The following SERGEF variants were observed in gnomAD, a reference collection of about 807,000 sequenced individuals.
The protein encoded by SERGEF is secretion regulating guanine nucleotide exchange factor, also known as secretion-regulating guanine nucleotide exchange factor.
In SERGEF, 51 loss-of-function variants were observed where a neutral mutation model predicts 50.0. The observed-to-expected ratio is 1.02, with a 90% CI of 0.81 to 1.29. SERGEF has a LOEUF of 1.29. Ranked by LOEUF, SERGEF falls within the 50% of genes most tolerant of loss-of-function variation. SERGEF has a pLI of 0.00. For missense variants in SERGEF, 521 were observed against 557.0 expected (o/e 0.94, Z 0.65); for synonymous variants, 205 against 212.4 (o/e 0.97, Z 0.30).
At chr11:17,814,932 G>C (rs1849938333) in intron 10 of SERGEF, among the ~76,000 whole-genome samples, 1 of 152,210 alleles carries the variant, frequency 6.6e-6, no homozygotes, top group Non-Finnish European at 1.5e-5. Context: ...TATAATCCTA[G>C]TGCTTTGGGA....
chr11:17,791,870 T>G (rs979778217), intron 10 of SERGEF, among the ~76,000 whole-genome samples: 1 of 152,254 alleles, frequency 6.6e-6, no homozygotes, highest in Non-Finnish European at 1.5e-5. Flanking sequence ...TGTCACCTAT[T>G]AAGAGCTTTG....
At chr11:17,935,961 C>T (rs1852444430) in intron 9 of SERGEF, among the ~76,000 whole-genome samples, 1 of 149,018 alleles carries the variant, frequency 6.7e-6, no homozygotes, top group Non-Finnish European at 1.5e-5. Flanking sequence ...AAGATCACTA[C>T]CCATTCAGTC....
chr11:17,918,820 C>A, intron 9 of SERGEF: 1 of 393,606 alleles, frequency 2.5e-6, no homozygotes. Context: ...AAAAGCACTC[C>A]TGGCAAAGGG....
Position 18,008,735 on chromosome 11 carries a change from TGTATCTC to T in SERGEF, c.61-666_61-660del, listed in dbSNP as rs1316114001. ...TTCTGGGCTACGAGTCGTTGGCAGG[TGTATCTC>T]GTATCTCTCCTTACCCCCTCCTCCT... is the stretch of plus-strand genomic sequence containing the variant. On this transcript the variant is annotated intron_variant, in intron 1 of 10. Coordinates refer to ENST00000265965, the MANE Select transcript of SERGEF (RefSeq NM_012139.4). Among the ~76,000 whole-genome samples, 8 of 151,486 alleles carry T rather than the reference TGTATCTC, an allele frequency of 5.3e-5. No individual in the cohort carries two copies. The South Asian group carries it at 6.3e-4, about 12-fold the overall frequency.
intron 9 of SERGEF, among the ~76,000 whole-genome samples, chr11:17,880,319 T>C (rs944169326): frequency 6.6e-6 from 1 of 152,222 alleles, no homozygotes; most frequent in Non-Finnish European, 1.5e-5. Flanking sequence ...CTGGCTGTAA[T>C]GAGGCTGGTT....
At chr11:17,910,425 AT>A (rs144681446) in intron 9 of SERGEF, among the ~76,000 whole-genome samples, 21,770 of 152,028 alleles carry the variant, frequency 0.14, 2,051 homozygotes, top group Middle Eastern at 0.27. Flanking sequence ...ATTAAAAAAA[AT>A]TTTTTTATAG....
intron 9 of SERGEF, among the ~76,000 whole-genome samples, chr11:17,900,967 C>G (rs1851739583): frequency 6.6e-6 from 1 of 152,256 alleles, no homozygotes; most frequent in Admixed American, 6.5e-5. Flanking sequence ...GTGAAATAGG[C>G]AATTCACCTG....
chr11:17,814,567 T>G (rs180840120), intron 10 of SERGEF, among the ~76,000 whole-genome samples: 1 of 152,222 alleles, frequency 6.6e-6, no homozygotes, highest in Non-Finnish European at 1.5e-5. Flanking sequence ...TGAATACACA[T>G]GGGATGGGAT....
chr11:17,982,555 C>T (rs926123034), intron 8 of SERGEF, among the ~76,000 whole-genome samples: 2 of 152,146 alleles, frequency 1.3e-5, no homozygotes, highest in Non-Finnish European at 2.9e-5. Flanking sequence ...CAGAATCTCC[C>T]CAGGCTTGGT....
At chr11:17,807,334 C>T (rs1041496700) in intron 10 of SERGEF, among the ~76,000 whole-genome samples, 8 of 70,066 alleles carry the variant, frequency 1.1e-4, no homozygotes, top group Admixed American at 5.5e-4. Context: ...GAACTCCCCC[C>T]CCACAAAAAA....
chr11:17,809,457 A>T (rs1016445283), intron 10 of SERGEF, among the ~76,000 whole-genome samples: 7 of 152,258 alleles, frequency 4.6e-5, no homozygotes, highest in African/African-American at 1.7e-4. Context: ...CCTCAGAGGC[A>T]AAATCTGGCA....
In SERGEF at chr11:17,884,034, C is replaced by A. The variant is rs559215381; in HGVS notation, c.1012-5790G>T. ...GGTACGCCAAGGAGAGGAAGTGAGG[C>A]GAGGCCAGCCCCACGCCACCAGCCA... is the stretch of plus-strand genomic sequence containing the variant. On this transcript the variant is annotated intron_variant, in intron 9 of 10. Coordinates refer to ENST00000265965, the MANE Select transcript of SERGEF (RefSeq NM_012139.4). This position sits in a 1 kb window ranked among gnomAD's most constrained non-coding sequence, Gnocchi z 4.6. 8.5e-5 allele frequency among the ~76,000 whole-genome samples: 13 copies of A among 152,098 alleles called. No homozygotes were observed. The highest frequency in any genetic ancestry group is 1.9e-4 in the Non-Finnish European group (13 of 68,022).
intron 10 of SERGEF, among the ~76,000 whole-genome samples, chr11:17,866,198 G>T (rs1447161489): frequency 6.6e-6 from 1 of 152,224 alleles, no homozygotes; most frequent in African/African-American, 2.4e-5. Flanking sequence ...AGACTTGAGT[G>T]CTAGTCCCAG....
chr11:17,999,994 A>C (rs1184719102), intron 5 of SERGEF, among the ~76,000 whole-genome samples: 1 of 152,142 alleles, frequency 6.6e-6, no homozygotes, highest in Non-Finnish European at 1.5e-5. Context: ...AGAAAACTTC[A>C]TTTCCTTCCT....
intron 10 of SERGEF, among the ~76,000 whole-genome samples, chr11:17,810,595 G>A (rs1018423159): frequency 1.3e-5 from 2 of 152,230 alleles, no homozygotes; most frequent in African/African-American, 4.8e-5. Flanking sequence ...TTCCCTTGAT[G>A]AGCTTCCCAT....
chr11:17,876,091 T>C (rs1366361594), intron 10 of SERGEF, among the ~76,000 whole-genome samples: 1 of 152,232 alleles, frequency 6.6e-6, no homozygotes, highest in Non-Finnish European at 1.5e-5. Context: ...TTTCAAAGCC[T>C]GCACCCTGCA....
chr11:17,977,476 T>C (rs1045964907), intron 8 of SERGEF, among the ~76,000 whole-genome samples: 3 of 152,082 alleles, frequency 2.0e-5, no homozygotes, highest in Non-Finnish European at 4.4e-5. Flanking sequence ...CCTAACCTGC[T>C]CCAATAAATA....
chr11:17,914,583 T>C (rs894019184), intron 9 of SERGEF, among the ~76,000 whole-genome samples: 3 of 152,124 alleles, frequency 2.0e-5, no homozygotes, highest in Non-Finnish European at 4.4e-5. Context: ...TGCCCTCAGC[T>C]AAGTATTTTA....
chr11:17,952,545 G>A (rs1041491253), intron 9 of SERGEF, among the ~76,000 whole-genome samples: 1 of 152,026 alleles, frequency 6.6e-6, no homozygotes, highest in African/African-American at 2.4e-5. Context: ...TACTCACTCA[G>A]TTTTCTTCCT....
Sources: gnomAD v4.1 joint callset for allele counts (sites outside exome capture counted in the v4.1 genomes callset) on GRCh38, gnomAD v4.1.1 for gene constraint, Gnocchi (gnomAD v3.1) non-coding constraint, MANE v1.5 for transcripts, NCBI Gene and HGNC (gene_info 2026-07-23, HGNC 2026-07-21) for gene names.